The following COMMD10 variants were observed in gnomAD, a reference collection of about 807,000 sequenced individuals.
COMMD10 encodes the protein COMM domain containing 10.
A neutral mutation model predicts 28.9 loss-of-function variants in COMMD10; 33 were observed. That is an observed-to-expected ratio of 1.14 (90% CI 0.87 to 1.53). COMMD10 has a LOEUF of 1.53. Ranked by LOEUF, COMMD10 falls within the 40% of genes most tolerant of loss-of-function variation. COMMD10 has a pLI of 0.00. For missense variants in COMMD10, 310 were observed against 233.4 expected (o/e 1.33, Z -2.14); for synonymous variants, 110 against 81.7 (o/e 1.35, Z -1.87).
intron 5 of COMMD10, among the ~76,000 whole-genome samples, chr5:116,186,216 T>C (rs1419831225): frequency 1.3e-5 from 2 of 152,162 alleles, no homozygotes; most frequent in African/African-American, 4.8e-5. Context: ...AGTCAAACTT[T>C]TTAAACAAAT....
intron 5 of COMMD10, among the ~76,000 whole-genome samples, chr5:116,137,454 G>A (rs1354860660): frequency 1.3e-5 from 2 of 151,892 alleles, no homozygotes; most frequent in South Asian, 2.1e-4. Context: ...AGTTGGTGTT[G>A]GTTTAAAACA....
intron 4 of COMMD10, among the ~76,000 whole-genome samples, chr5:116,127,362 G>C (rs1751690409): frequency 1.3e-5 from 2 of 152,186 alleles, no homozygotes; most frequent in South Asian, 4.1e-4. Flanking sequence ...GTGGAAGACA[G>C]TGTGGCGATT....
At chr5:116,184,960 A>G (rs533406950) in intron 5 of COMMD10, among the ~76,000 whole-genome samples, 4 of 152,196 alleles carry the variant, frequency 2.6e-5, no homozygotes, top group African/African-American at 4.8e-5. Context: ...TTAACTTCCT[A>G]TTTTGCAAAA....
At chr5:116,147,592 T>C (rs1255794318) in intron 5 of COMMD10, among the ~76,000 whole-genome samples, 2 of 151,862 alleles carry the variant, frequency 1.3e-5, no homozygotes, top group Non-Finnish European at 2.9e-5. Flanking sequence ...TGAAACTGTA[T>C]GTTGTGATTG....
chr5:116,250,951 A>T (rs1368227531), intron 5 of COMMD10, among the ~76,000 whole-genome samples: 1 of 151,910 alleles, frequency 6.6e-6, no homozygotes, highest in African/African-American at 2.4e-5. Flanking sequence ...TGCCACTACT[A>T]AGCCTACATT....
intron 5 of COMMD10, among the ~76,000 whole-genome samples, chr5:116,203,025 A>G (rs1207309372): frequency 1.3e-5 from 2 of 151,764 alleles, no homozygotes. Flanking sequence ...TTTAGGTCTA[A>G]CATTTAAGTC....
chr5:116,215,673 TG>T (rs1350755929), intron 5 of COMMD10, among the ~76,000 whole-genome samples: 2 of 141,494 alleles, frequency 1.4e-5, no homozygotes, highest in Non-Finnish European at 3.1e-5. Context: ...GGCGACAGAG[TG>T]GGAGTCCAGC....
chr5:116,163,815 T>A (rs1289675032), intron 5 of COMMD10, among the ~76,000 whole-genome samples: 1 of 152,212 alleles, frequency 6.6e-6, no homozygotes, highest in Non-Finnish European at 1.5e-5. Context: ...ATTATATGTC[T>A]TTTTTAATTT....
chr5:116,239,274 A>T (rs1314429411), intron 5 of COMMD10, among the ~76,000 whole-genome samples: 1 of 152,186 alleles, frequency 6.6e-6, no homozygotes, highest in African/African-American at 2.4e-5. Context: ...ATACTTTTTA[A>T]ATATGCTTCT....
intron 5 of COMMD10, among the ~76,000 whole-genome samples, chr5:116,289,201 A>T (rs377182879): frequency 1.3e-5 from 2 of 151,672 alleles, no homozygotes; most frequent in South Asian, 4.1e-4. Flanking sequence ...CTCATTAAAC[A>T]TCCCTATAAT....
intron 5 of COMMD10, among the ~76,000 whole-genome samples, chr5:116,289,705 C>T (rs1297991920): frequency 6.6e-6 from 1 of 151,852 alleles, no homozygotes; most frequent in Non-Finnish European, 1.5e-5. Context: ...CTCCGCTATT[C>T]CACATGGGAG....
chr5:116,192,638 T>C (rs1032119818), intron 5 of COMMD10, among the ~76,000 whole-genome samples: 5 of 151,984 alleles, frequency 3.3e-5, no homozygotes, highest in African/African-American at 1.2e-4. Context: ...TAAGAAAATA[T>C]GAACAAAGTT....
At chr5:116,276,673 G>T (rs1363130459) in intron 5 of COMMD10, among the ~76,000 whole-genome samples, 1 of 151,724 alleles carries the variant, frequency 6.6e-6, no homozygotes, top group Non-Finnish European at 1.5e-5. Context: ...TAAGATACAA[G>T]CCTTGCTAAA....
At chr5:116,266,112 G>A (rs1484042880) in intron 5 of COMMD10, among the ~76,000 whole-genome samples, 5 of 151,660 alleles carry the variant, frequency 3.3e-5, no homozygotes, top group Non-Finnish European at 7.4e-5. Context: ...ATTTTGTCAA[G>A]TGAAGTTAAT....
At chr5:116,120,004 T>A (rs1751371968) in intron 4 of COMMD10, among the ~76,000 whole-genome samples, 1 of 152,128 alleles carries the variant, frequency 6.6e-6, no homozygotes, top group South Asian at 2.1e-4. Context: ...CCATGAATTT[T>A]GATAGCTGTA....
At chr5:116,118,383 CTT>C (rs777442500) in intron 4 of COMMD10, among the ~76,000 whole-genome samples, 17 of 152,098 alleles carry the variant, frequency 1.1e-4, no homozygotes, top group Non-Finnish European at 2.1e-4. Flanking sequence ...ATTTTCACTA[CTT>C]TTGGTCTTTG....
intron 5 of COMMD10, among the ~76,000 whole-genome samples, chr5:116,201,458 C>T (rs1253682616): frequency 2.0e-5 from 3 of 152,180 alleles, no homozygotes; most frequent in East Asian, 3.8e-4. Flanking sequence ...TTTTCTTACA[C>T]TGGCACTAGC....
chr5:116,122,231 A>T (rs924694572), intron 4 of COMMD10, among the ~76,000 whole-genome samples: 2 of 152,186 alleles, frequency 1.3e-5, no homozygotes, highest in African/African-American at 4.8e-5. Context: ...CCATTTATTA[A>T]ATAGGGAATC....
intron 5 of COMMD10, among the ~76,000 whole-genome samples, chr5:116,168,550 C>G (rs114526350): frequency 1.8e-4 from 28 of 152,224 alleles, no homozygotes; most frequent in Non-Finnish European, 2.4e-4. Context: ...CACTGCATCC[C>G]GCACTTATTC....
Sources: allele counts gnomAD v4.1 joint callset (sites outside exome capture counted in the v4.1 genomes callset), GRCh38; gene constraint gnomAD v4.1.1; transcripts MANE v1.5; gene names NCBI Gene and HGNC (gene_info 2026-07-23, HGNC 2026-07-21).